ZRANB3: variants seen among roughly 807,000 people sequenced by gnomAD.
ZRANB3 encodes the protein zinc finger RANBP2-type containing 3, also known as DNA annealing helicase and endonuclease ZRANB3.
In ZRANB3, 125 loss-of-function variants were observed where a neutral mutation model predicts 133.8. That is an observed-to-expected ratio of 0.93 (90% CI 0.81 to 1.08). The LOEUF (loss-of-function observed/expected upper bound fraction) is 1.08, where lower values mean the gene tolerates loss of function less well. Among genes scored for constraint, ZRANB3 ranks in the 50% least tolerant of loss-of-function variants. The pLI is 0.00. For synonymous variants in ZRANB3, 387 were observed against 432.7 expected (o/e 0.89, Z 1.31); for missense variants, 1,229 against 1,275.5 (o/e 0.96, Z 0.56).
intron 14 of ZRANB3, 36 bp downstream of exon 14, chr2:135,227,776 T>C: frequency 6.5e-7 from 1 of 1,539,070 alleles, no homozygotes; most frequent in Non-Finnish European, 8.8e-7. Flanking sequence ...AGTATATGGT[T>C]ATTACTTGGA....
chr2:135,382,936 C>T (rs915493518), intron 3 of ZRANB3, among the ~76,000 whole-genome samples: 4 of 152,244 alleles, frequency 2.6e-5, no homozygotes, highest in South Asian at 2.1e-4. Context: ...CATCAACTAA[C>T]GAGCAAAATA....
chr2:135,321,633 C>A (rs550402075), intron 6 of ZRANB3, among the ~76,000 whole-genome samples: 2 of 151,920 alleles, frequency 1.3e-5, no homozygotes, highest in Non-Finnish European at 2.9e-5. Context: ...ACCACCATGC[C>A]GGGCTAATTT....
intron 2 of ZRANB3, among the ~76,000 whole-genome samples, chr2:135,495,068 C>CTA (rs1692602872): frequency 6.6e-6 from 1 of 152,008 alleles, no homozygotes; most frequent in Non-Finnish European, 1.5e-5. Flanking sequence ...AACTCTGTCT[C>CTA]TATAAAAAAA....
chr2:135,366,194 T>C (rs1263241367), intron 3 of ZRANB3, among the ~76,000 whole-genome samples: 1 of 152,052 alleles, frequency 6.6e-6, no homozygotes, highest in Non-Finnish European at 1.5e-5. Flanking sequence ...TTTTTGGAAA[T>C]GTTAATTAAA....
chr2:135,418,598 A>G (rs1257812989), intron 2 of ZRANB3, among the ~76,000 whole-genome samples: 1 of 152,246 alleles, frequency 6.6e-6, no homozygotes, highest in African/African-American at 2.4e-5. Flanking sequence ...AGCCAAATGT[A>G]CACATTTAGG....
chr2:135,418,831 CAA>C (rs1253904734), intron 2 of ZRANB3, among the ~76,000 whole-genome samples: 3 of 146,498 alleles, frequency 2.0e-5, no homozygotes, highest in African/African-American at 7.5e-5. Flanking sequence ...TGAGACACTA[CAA>C]AGAGGCTGAG....
At position 135,207,474 on chromosome 2, in the gene ZRANB3, A is replaced by T. The variant is rs1693919543; in HGVS notation, c.2969T>A (p.Leu990His). ...CTTTGAAGTCCAGGTAGCATACAGA[A>T]GATTCTTCCTCTGACTTTTAGGGGC... ...RDAPKSQRKN[L>H]LYATWTSKLP... The change falls in exon 19 of 21, where the codon CTT (leucine) becomes CAT (histidine). Residue 990 changes from leucine (L) to histidine (H), a missense_variant. Leu to His is a moderately conservative substitution (Grantham distance 99, BLOSUM62 -3). Coordinates refer to ENST00000264159, the MANE Select transcript of ZRANB3 (RefSeq NM_032143.4). 1 of 1,613,700 alleles carries T rather than the reference A, an allele frequency of 6.2e-7. No individual in the cohort carries two copies. The highest frequency in any genetic ancestry group is 1.7e-5 in the Admixed American group (1 of 59,980).
intron 3 of ZRANB3, chr2:135,355,185 C>T (rs1473774526): frequency 2.0e-6 from 2 of 977,608 alleles, no homozygotes; most frequent in East Asian, 1.1e-4. Context: ...CTGTTAACAA[C>T]AAAAAAGCAA....
Position 135,227,988 on chromosome 2 carries a change from A to G in ZRANB3, c.1982T>C (p.Ile661Thr). Residue 661 changes from isoleucine to threonine, a missense_variant, in exon 14 of 21, where the codon ATC (isoleucine) becomes ACC (threonine). By Grantham distance (89) the Ile-to-Thr change is moderately conservative. Transcript: ENST00000264159. ...AVMQIDSLNHIQDKNEKDDSQ... is the reference protein window; with the variant it reads ...AVMQIDSLNHTQDKNEKDDSQ... Reference sequence around the variant, plus strand: ...ATCATCCTTCTCGTTTTTATCCTGGATATGGTTGAGGCTATCTATTTGCAT... The same window carrying G: ...ATCATCCTTCTCGTTTTTATCCTGGGTATGGTTGAGGCTATCTATTTGCAT... The G allele has an allele frequency of 1.3e-6, 2 of 1,551,692 alleles. No individual in the cohort carries two copies. The highest frequency in any genetic ancestry group is 2.0e-5 in the Admixed American group (1 of 50,972).
intron 18 of ZRANB3, 45 bp from the exon 19 acceptor site, chr2:135,207,881 G>A: frequency 6.6e-7 from 1 of 1,525,604 alleles, no homozygotes; most frequent in Non-Finnish European, 8.8e-7. Flanking sequence ...TGAATGATTA[G>A]GCTAAATAGT....
intron 19 of ZRANB3, among the ~76,000 whole-genome samples, chr2:135,205,127 G>A (rs1445378319): frequency 6.6e-6 from 1 of 152,050 alleles, no homozygotes; most frequent in Non-Finnish European, 1.5e-5. Flanking sequence ...CAGAAATGCC[G>A]ATTAATTCAT....
At chr2:135,264,397 G>A (rs540765797) in intron 12 of ZRANB3, among the ~76,000 whole-genome samples, 3 of 150,398 alleles carry the variant, frequency 2.0e-5, no homozygotes, top group South Asian at 2.1e-4. Context: ...GCTTGAACCC[G>A]GGAGACAGAG....
intron 1 of ZRANB3, among the ~76,000 whole-genome samples, chr2:135,529,495 C>A (rs1177397272): frequency 6.6e-6 from 1 of 151,974 alleles, no homozygotes; most frequent in Non-Finnish European, 1.5e-5. Flanking sequence ...TGTAGTCACA[C>A]GTTTTTTGTT....
chr2:135,519,652 A>C (rs939641598), intron 1 of ZRANB3, among the ~76,000 whole-genome samples: 9 of 152,212 alleles, frequency 5.9e-5, no homozygotes, highest in Non-Finnish European at 1.3e-4. Flanking sequence ...TCCTATGAAA[A>C]GTAATCATCC....
intron 12 of ZRANB3, among the ~76,000 whole-genome samples, chr2:135,240,053 A>G (rs1381890044): frequency 6.6e-6 from 1 of 152,116 alleles, no homozygotes; most frequent in Non-Finnish European, 1.5e-5. Flanking sequence ...TTTTAAAAAA[A>G]GGTAACAGGC....
At chr2:135,347,736 G>T (rs1422327212) in intron 5 of ZRANB3, among the ~76,000 whole-genome samples, 1 of 152,078 alleles carries the variant, frequency 6.6e-6, no homozygotes, top group African/African-American at 2.4e-5. Context: ...GGCCAAAGAA[G>T]AAATCACAAA....
chr2:135,426,074 G>A (rs1303004899), intron 2 of ZRANB3, among the ~76,000 whole-genome samples: 1 of 151,954 alleles, frequency 6.6e-6, no homozygotes, highest in Non-Finnish European at 1.5e-5. Context: ...AAACAAACTA[G>A]AAAACGTAGA....
intron 2 of ZRANB3, among the ~76,000 whole-genome samples, chr2:135,438,376 G>A (rs1689638388): frequency 6.6e-6 from 1 of 151,960 alleles, no homozygotes; most frequent in Non-Finnish European, 1.5e-5. Flanking sequence ...ATGGTGGCGT[G>A]CACCTGTAAT....
intron 2 of ZRANB3, among the ~76,000 whole-genome samples, chr2:135,393,183 A>T (rs1687321456): frequency 1.3e-5 from 2 of 152,350 alleles, no homozygotes; most frequent in South Asian, 4.1e-4. Flanking sequence ...AAATATCTTT[A>T]CAAAAAATAA....
Sources: gnomAD v4.1 joint callset for allele counts (sites outside exome capture counted in the v4.1 genomes callset) on GRCh38, gnomAD v4.1.1 for gene constraint, MANE v1.5 for transcripts, NCBI Gene and HGNC (gene_info 2026-07-23, HGNC 2026-07-21) for gene names.